HCRTR2: variants seen among roughly 807,000 people sequenced by gnomAD.
HCRTR2 encodes the protein hypocretin receptor 2, also known as orexin receptor type 2.
In HCRTR2, 22 loss-of-function variants were observed where a neutral mutation model predicts 49.0. The observed-to-expected ratio is 0.45, with a 90% CI of 0.32 to 0.64. The LOEUF is 0.64. HCRTR2 is among the 30% of genes least tolerant of loss of function. The probability of loss-of-function intolerance (pLI) is 0.04; values close to 1 mark genes in which losing one functional copy is unlikely to be tolerated. For synonymous variants in HCRTR2, 236 were observed against 205.3 expected (o/e 1.15, Z -1.28); for missense variants, 491 against 559.4 (o/e 0.88, Z 1.23).
chr6:55,197,203 C>G (rs1336939986), intron 1 of HCRTR2, among the ~76,000 whole-genome samples: 1 of 152,146 alleles, frequency 6.6e-6, no homozygotes, highest in African/African-American at 2.4e-5. Flanking sequence ...AATCCTATCT[C>G]TAACCTAACA....
At chr6:55,254,597 C>T (rs1766614339) in intron 2 of HCRTR2, among the ~76,000 whole-genome samples, 1 of 152,020 alleles carries the variant, frequency 6.6e-6, no homozygotes, top group South Asian at 2.1e-4. Context: ...GTTGAAAATG[C>T]ACTGATGTAC....
chr6:55,122,832 C>G (rs1764220007), intron 1 of HCRTR2, among the ~76,000 whole-genome samples: 1 of 151,862 alleles, frequency 6.6e-6, no homozygotes, highest in Non-Finnish European at 1.5e-5. Flanking sequence ...ATGGATGAAG[C>G]TGGAAACCGT....
chr6:55,198,658 A>G (rs1246090968), intron 1 of HCRTR2, among the ~76,000 whole-genome samples: 1 of 152,206 alleles, frequency 6.6e-6, no homozygotes, highest in Non-Finnish European at 1.5e-5. Flanking sequence ...GGGTCTTTGA[A>G]TTATTGTATT....
At chr6:55,268,113 T>A (rs1766897176) in intron 4 of HCRTR2, among the ~76,000 whole-genome samples, 1 of 152,150 alleles carries the variant, frequency 6.6e-6, no homozygotes, top group Non-Finnish European at 1.5e-5. Flanking sequence ...TGAAATTACA[T>A]TGGCATAATC....
chr6:55,164,583 A>T (rs1462641757), intron 1 of HCRTR2, among the ~76,000 whole-genome samples: 1 of 152,082 alleles, frequency 6.6e-6, no homozygotes, highest in South Asian at 2.1e-4. Flanking sequence ...ATGAGAACAC[A>T]TGGACACAGG....
At chr6:55,272,475 AT>A (rs1562029648) in intron 4 of HCRTR2, among the ~76,000 whole-genome samples, 1 of 152,080 alleles carries the variant, frequency 6.6e-6, no homozygotes, top group African/African-American at 2.4e-5. Flanking sequence ...TCTAAAAATC[AT>A]TTTTTGAACC....
intron 3 of HCRTR2, 122 bp from the exon 4 acceptor site, chr6:55,263,585 A>G: frequency 1.5e-6 from 1 of 687,040 alleles, no homozygotes; most frequent in Non-Finnish European, 2.6e-6. Context: ...TTGCATACAT[A>G]ATATGACAAT....
chr6:55,173,198 T>A (rs1007345372), upstream of HCRTR2, among the ~76,000 whole-genome samples: 1 of 152,192 alleles, frequency 6.6e-6, no homozygotes, highest in Non-Finnish European at 1.5e-5. Context: ...AAACTAGGAA[T>A]TAGAGGTAAA....
intron 1 of HCRTR2, among the ~76,000 whole-genome samples, chr6:55,111,974 C>T (rs1455196761): frequency 1.3e-5 from 2 of 151,932 alleles, no homozygotes; most frequent in Non-Finnish European, 2.9e-5. Context: ...AGTAGGGATG[C>T]AGGAATGGTT....
chr6:55,216,426 G>T (rs1486881754), intron 1 of HCRTR2, among the ~76,000 whole-genome samples: 1 of 152,122 alleles, frequency 6.6e-6, no homozygotes, highest in African/African-American at 2.4e-5. Flanking sequence ...CCTTGGGCAG[G>T]TTCCCTTTCA....
chr6:55,121,881 T>G (rs1561978038), intron 1 of HCRTR2, among the ~76,000 whole-genome samples: 2 of 152,154 alleles, frequency 1.3e-5, no homozygotes, highest in African/African-American at 2.4e-5. Flanking sequence ...TATTGAGGAT[T>G]TTTGCATCGA....
downstream of HCRTR2, among the ~76,000 whole-genome samples, chr6:55,284,542 T>G (rs1430005292): frequency 6.6e-6 from 1 of 152,142 alleles, no homozygotes; most frequent in Non-Finnish European, 1.5e-5. Context: ...TCTGCCTGTG[T>G]GAAATAAAGT....
At chr6:55,248,594 C>A (rs773165990) in intron 1 of HCRTR2, 45 bp from the exon 2 acceptor site, 2 of 1,454,044 alleles carry the variant, frequency 1.4e-6, no homozygotes, top group Non-Finnish European at 1.9e-6. Context: ...TCACCAATAC[C>A]TATTTTCTTT....
chr6:55,282,565 T>G lies in HCRTR2; in HGVS notation c.*111T>G, dbSNP rs1178301701. The G allele has an allele frequency of 5.1e-6, 3 of 593,298 alleles. No homozygotes were observed. Among genetic ancestry groups the G allele is most frequent in the Non-Finnish European group, 8.9e-6 (3 of 337,864 alleles). The allele number at this position is 593,298 out of a possible 1,614,324, so 36.8% of individuals were successfully genotyped here. A position where few individuals can be genotyped will look rare whatever the true frequency, so the allele number is the denominator to read the frequency against. Reference sequence around the variant, plus strand: ...TGAAGCTAAAATTACTTGTGGATCTTTTTTTTTTTTAATCTATTGCTCTTT... The same window carrying G: ...TGAAGCTAAAATTACTTGTGGATCTGTTTTTTTTTTAATCTATTGCTCTTT... On this transcript the variant is annotated 3_prime_UTR_variant, in exon 7 of 7. Transcript: ENST00000370862.
intron 1 of HCRTR2, among the ~76,000 whole-genome samples, chr6:55,209,696 T>A (rs1285277923): frequency 1.3e-5 from 2 of 152,216 alleles, no homozygotes; most frequent in Non-Finnish European, 2.9e-5. Context: ...CTCTCTTCTC[T>A]TTGTTTTTGT....
chr6:55,167,179 G>GA (rs929125530), intron 1 of HCRTR2, among the ~76,000 whole-genome samples: 4 of 152,012 alleles, frequency 2.6e-5, no homozygotes, highest in Non-Finnish European at 4.4e-5. Flanking sequence ...AATTAGAAAA[G>GA]AAAAAAATCT....
chr6:55,277,679 T>A, intron 5 of HCRTR2, 79 bp downstream of exon 5: 3 of 948,706 alleles, frequency 3.2e-6, no homozygotes, highest in Non-Finnish European at 3.2e-6. Flanking sequence ...TTTTTTTAAC[T>A]AAGCCAGAGA....
intron 1 of HCRTR2, among the ~76,000 whole-genome samples, chr6:55,191,999 G>C (rs555069262): frequency 6.6e-6 from 1 of 152,102 alleles, no homozygotes; most frequent in Non-Finnish European, 1.5e-5. Flanking sequence ...GGTTAGAGAT[G>C]AGACATTTTT....
intron 6 of HCRTR2, 28 bp from the exon 7 acceptor site, chr6:55,282,197 T>C (rs1172869120): frequency 3.9e-6 from 6 of 1,520,524 alleles, no homozygotes; most frequent in Non-Finnish European, 5.5e-6. Flanking sequence ...GTATAATTCC[T>C]TTTCCTTTCA....
Sources: allele counts gnomAD v4.1 joint callset (sites outside exome capture counted in the v4.1 genomes callset), GRCh38; gene constraint gnomAD v4.1.1; transcripts MANE v1.5; gene names NCBI Gene and HGNC (gene_info 2026-07-23, HGNC 2026-07-21).